RBSN: variants seen among roughly 807,000 people sequenced by gnomAD.
RBSN encodes rabenosyn, RAB effector, also known as rabenosyn-5.
Under a neutral mutation model 60.5 loss-of-function variants are expected in RBSN, and 34 were observed. The observed-to-expected ratio is 0.56, with a 90% CI of 0.43 to 0.75. The LOEUF is 0.75. Among genes scored for constraint, RBSN ranks in the 30% least tolerant of loss-of-function variants. The pLI is 0.00. For synonymous variants in RBSN, 322 were observed against 366.9 expected (o/e 0.88, Z 1.40); for missense variants, 845 against 986.8 (o/e 0.86, Z 1.92).
At chr3:15,090,023 G>T (rs1397504452) in intron 5 of RBSN, among the ~76,000 whole-genome samples, 1 of 152,216 alleles carries the variant, frequency 6.6e-6, no homozygotes, top group East Asian at 1.9e-4. Flanking sequence ...ACCAGTGCCT[G>T]TCACTGGGCA....
chr3:15,078,213 A>T (rs2306854), intron 10 of RBSN, 52 bp from the exon 11 acceptor site: 53 of 1,515,914 alleles, frequency 3.5e-5, no homozygotes, highest in Non-Finnish European at 4.4e-5. Flanking sequence ...CAGATTGGAC[A>T]GCATAGTGTA....
At chr3:15,086,161 G>T in intron 5 of RBSN, 200 bp from the exon 6 acceptor site, 1 of 511,500 alleles carries the variant, frequency 2.0e-6, no homozygotes, top group Non-Finnish European at 3.5e-6. Context: ...TCCTTGGGAG[G>T]CCAAGGCGGG....
chr3:15,085,096 T>G, intron 6 of RBSN, 51 bp from the exon 7 acceptor site: 1 of 1,595,806 alleles, frequency 6.3e-7, no homozygotes, highest in South Asian at 1.1e-5. Flanking sequence ...GATGTATACA[T>G]GCTCCACACT....
At position 15,096,091 on chromosome 3, in the gene RBSN, C is replaced by T. The variant is rs2043649765; in HGVS notation, c.30G>A (p.Val10=). The stretch of plus-strand genomic sequence containing the variant: ...ACAGAGGGCAGAGGAAGCCCTCCCT[C>T]ACTTCCCCTGGGTCGTCCAGAGAAG... MASLDDPGE[V]REGFLCPLCL... Residue 10 remains valine (V), a synonymous_variant, in exon 4 of 14, where the codon GTG becomes GTA. Coordinates refer to ENST00000253699, the MANE Select transcript of RBSN (RefSeq NM_022340.4). 2 of 1,607,986 alleles carry T rather than the reference C, an allele frequency of 1.2e-6. No homozygotes were observed. Among genetic ancestry groups the T allele is most frequent in the Middle Eastern group, 1.7e-4 (1 of 6,026 alleles).
chr3:15,075,224 C>T (rs1292870396), intron 13 of RBSN: 9 of 473,700 alleles, frequency 1.9e-5, no homozygotes, highest in Non-Finnish European at 3.4e-5. Flanking sequence ...CTGTTCCCCT[C>T]ATCTACACTG....
chr3:15,095,077 G>A (rs1359977878), intron 4 of RBSN, among the ~76,000 whole-genome samples: 1 of 151,912 alleles, frequency 6.6e-6, no homozygotes, highest in Non-Finnish European at 1.5e-5. Flanking sequence ...GCAGTGGCAT[G>A]ATCATCGCTC....
chr3:15,080,112 G>A (rs1179837147), intron 10 of RBSN, among the ~76,000 whole-genome samples: 2 of 152,140 alleles, frequency 1.3e-5, no homozygotes, highest in East Asian at 1.9e-4. Context: ...GAGCGTGGTG[G>A]TGCGTGCCTG....
Position 15,078,142 on chromosome 3 carries a change from T to C in RBSN, c.931A>G (p.Ser311Gly), listed in dbSNP as rs2043100123. Reference sequence around the variant, plus strand: ...CGAAGGTCACTGGCATGTTCCAGACTGTAGGTTGTCTCCCCAGCACTAAGG... The same window carrying C: ...CGAAGGTCACTGGCATGTTCCAGACCGTAGGTTGTCTCCCCAGCACTAAGG... ...ASLNAGETTY[S>G]LEHASDLRVE... is the part of the protein sequence containing the mutation. Residue 311 changes from serine to glycine, a missense_variant, in exon 11 of 14, where the codon AGT becomes GGT. Ser to Gly is a moderately conservative substitution (Grantham distance 56). Transcript: ENST00000253699. 2 of 1,614,082 alleles carry C rather than the reference T, an allele frequency of 1.2e-6. No homozygotes were observed. Among genetic ancestry groups the C allele is most frequent in the Non-Finnish European group, 1.7e-6 (2 of 1,180,020 alleles).
intron 2 of RBSN, among the ~76,000 whole-genome samples, chr3:15,097,874 C>T (rs1316696575): frequency 2.0e-5 from 3 of 152,080 alleles, no homozygotes; most frequent in East Asian, 1.9e-4. Flanking sequence ...CTATTTTTTC[C>T]CTCTAGTTAA....
intron 6 of RBSN, among the ~76,000 whole-genome samples, chr3:15,085,474 C>A (rs891760754): frequency 3.3e-5 from 5 of 152,210 alleles, no homozygotes; most frequent in African/African-American, 1.2e-4. Context: ...ACACAACAAG[C>A]ACAACTAGGA....
At position 15,077,148 on chromosome 3, in the gene RBSN, A is replaced by G; in HGVS notation, c.1015T>C (p.Leu339=). The G allele has an allele frequency of 2.5e-6, 4 of 1,613,994 alleles. No homozygotes were observed. Among genetic ancestry groups the G allele is most frequent in the Non-Finnish European group, 3.4e-6 (4 of 1,179,902 alleles). ...GGTGGAGGGTCCTGGTTCAAGCCCA[A>G]GGTTAAGATCTTCTTACTGAATTGG... ...IDALSKKILT[L]GLNQDPPPHP... Residue 339 remains leucine, a synonymous_variant, in exon 12 of 14, where the codon TTG becomes CTG. Coordinates refer to ENST00000253699, the MANE Select transcript of RBSN (RefSeq NM_022340.4). This position sits in a 1 kb window ranked among gnomAD's most constrained non-coding sequence, Gnocchi z 4.4.
intron 12 of RBSN, 150 bp from the exon 13 acceptor site, chr3:15,075,860 T>C: frequency 1.5e-6 from 1 of 648,174 alleles, no homozygotes; most frequent in Non-Finnish European, 2.7e-6. Flanking sequence ...AGAACTCATA[T>C]TGGGTGAGAC....
In RBSN at chr3:15,086,267, GA is replaced by G. The variant is rs113916115; in HGVS notation, c.290-307del. ...GACAGAGTGAGACCAACTTCAGAAA[GA>G]AAAAAAAATATATTTCAAAAGCAAG... On this transcript the variant is annotated intron_variant, in intron 5 of 13. Transcript: ENST00000253699. 1.3e-3 allele frequency among the ~76,000 whole-genome samples: 201 copies of G among 150,158 alleles called. 2 individuals carry two copies. The highest frequency in any genetic ancestry group is 1.1e-3 in the Non-Finnish European group (77 of 67,370).
In RBSN at chr3:15,071,117, C is replaced by T. The variant is rs1294496122; in HGVS notation, c.*2665G>A. The T allele has an allele frequency of 4.6e-5, 7 of 152,206 alleles. No homozygotes were observed. Among genetic ancestry groups the T allele is most frequent in the Non-Finnish European group, 8.8e-5 (6 of 68,048 alleles). 9.4% of individuals were successfully genotyped at this position (152,206 alleles called of 1,614,324 possible). On this transcript the variant is annotated 3_prime_UTR_variant, in exon 14 of 14. Coordinates refer to ENST00000253699, the MANE Select transcript of RBSN (RefSeq NM_022340.4). The stretch of plus-strand genomic sequence containing the variant: ...GGGATTACAGGAGTGAGCCACTGCA[C>T]CCGGCCAGGCCTTTAAAAATAGTTT...
intron 10 of RBSN, among the ~76,000 whole-genome samples, chr3:15,079,360 T>G (rs1263235898): frequency 6.6e-6 from 1 of 152,198 alleles, no homozygotes; most frequent in Admixed American, 6.5e-5. Flanking sequence ...ACAAAACGAT[T>G]TAGCAATTCC....
At chr3:15,080,877 A>G (rs1239789073) in intron 9 of RBSN, 75 bp from the exon 10 acceptor site, 4 of 1,135,196 alleles carry the variant, frequency 3.5e-6, no homozygotes, top group Non-Finnish European at 5.3e-6. Context: ...GGCTCCATCA[A>G]TGGAGCTATA....
rs961180692 is a variant in RBSN, at chr3:15,074,938, G to A, written c.1207-8C>T. 32 of 1,601,144 alleles carry A rather than the reference G, an allele frequency of 2.0e-5. No individual in the cohort carries two copies. Among genetic ancestry groups the A allele is most frequent in the Non-Finnish European group, 2.6e-5 (31 of 1,175,132 alleles). ...CTGGGACTCCAGGGCAGCCTGGGGA[G>A]AGAGCAAAGCAGAGAGAAGAAACAG... On this transcript the variant is annotated splice_polypyrimidine_tract_variant and splice_region_variant and intron_variant, in intron 13 of 13. Coordinates refer to ENST00000253699, the MANE Select transcript of RBSN (RefSeq NM_022340.4). The surrounding 1 kb of genome is among the most constrained non-coding windows in gnomAD (Gnocchi z 6.4).
chr3:15,088,015 A>G (rs993734482), intron 5 of RBSN, among the ~76,000 whole-genome samples: 1 of 152,248 alleles, frequency 6.6e-6, no homozygotes, highest in African/African-American at 2.4e-5. Context: ...AGGGGTGACC[A>G]TAAATATTAA....
intron 5 of RBSN, among the ~76,000 whole-genome samples, chr3:15,086,499 A>T (rs1336676181): frequency 6.6e-6 from 1 of 152,208 alleles, no homozygotes; most frequent in African/African-American, 2.4e-5. Flanking sequence ...CCTTGGACAC[A>T]TTACTTAACA....
Sources: gnomAD v4.1 joint callset for allele counts (sites outside exome capture counted in the v4.1 genomes callset) on GRCh38, gnomAD v4.1.1 for gene constraint, Gnocchi (gnomAD v3.1) non-coding constraint, MANE v1.5 for transcripts, NCBI Gene and HGNC (gene_info 2026-07-23, HGNC 2026-07-21) for gene names.